PKN2: variants seen among roughly 807,000 people sequenced by gnomAD.
PKN2 encodes the protein protein kinase N2.
A neutral mutation model predicts 119.1 loss-of-function variants in PKN2; 38 were observed. The observed-to-expected ratio is 0.32, with a 90% confidence interval of 0.25 to 0.42. The LOEUF is 0.42. PKN2 is among the 10% of genes least tolerant of loss of function. PKN2 has a pLI of 1.00. For synonymous variants in PKN2, 390 were observed against 384.9 expected (o/e 1.01, Z -0.15); for missense variants, 850 against 1,165.1 (o/e 0.73, Z 3.94).
chr1:88,743,314 A>G (rs930105935), intron 2 of PKN2, among the ~76,000 whole-genome samples: 47 of 152,342 alleles, frequency 3.1e-4, no homozygotes, highest in Middle Eastern at 3.4e-3. Flanking sequence ...CAATCGATCT[A>G]GAACATTTTC....
intron 15 of PKN2, among the ~76,000 whole-genome samples, chr1:88,810,796 A>G (rs1314483325): frequency 6.7e-6 from 1 of 150,182 alleles, no homozygotes; most frequent in Non-Finnish European, 1.5e-5. Context: ...TAGTACAGAC[A>G]GGGTTTCACC....
chr1:88,793,534 A>G (rs1056265565), intron 8 of PKN2, among the ~76,000 whole-genome samples: 27 of 151,732 alleles, frequency 1.8e-4, no homozygotes, highest in African/African-American at 6.5e-4. Context: ...AACATCAGGT[A>G]CTCTCTGATA....
intron 15 of PKN2, among the ~76,000 whole-genome samples, chr1:88,808,584 G>A (rs2100883837): frequency 6.6e-6 from 1 of 152,264 alleles, no homozygotes; most frequent in Admixed American, 6.5e-5. Flanking sequence ...GATTACAGGT[G>A]TGAGCCACCG....
At chr1:88,701,658 G>A (rs1666772130) in intron 1 of PKN2, among the ~76,000 whole-genome samples, 1 of 152,174 alleles carries the variant, frequency 6.6e-6, no homozygotes, top group Admixed American at 6.5e-5. Flanking sequence ...GTATGGTGTG[G>A]TAATGTATAA....
rs1285051133 is a variant in PKN2, at chr1:88,703,443, A to G, written c.48+18815A>G. Among the ~76,000 whole-genome samples the G allele has an allele frequency of 2.6e-5, 4 of 152,124 alleles. No homozygotes were observed. In the East Asian group the frequency reaches 7.7e-4, roughly 29 times the overall value. ...ATATTGGCTTATTTTTGTTATTTAT[A>G]TATTTTTAAAGTGAGGCTTAGAGAG... On this transcript the variant is annotated intron_variant, in intron 1 of 21. Transcript: ENST00000370521.
At chr1:88,813,467 CTTATTT>C (rs2100895269) in intron 15 of PKN2, 84 bp from the exon 16 acceptor site, 6 of 933,588 alleles carry the variant, frequency 6.4e-6, no homozygotes, top group Non-Finnish European at 9.2e-6. Context: ...TAAAATTTTG[CTTATTT>C]TTAAGTTTAG....
chr1:88,771,945 T>A, intron 6 of PKN2, 66 bp downstream of exon 6: 1 of 1,069,160 alleles, frequency 9.4e-7, no homozygotes, highest in African/African-American at 1.6e-5. Context: ...GATTTAATAA[T>A]TGAAAGAAAA....
chr1:88,833,559 GT>G lies in PKN2; in HGVS notation c.*116del. The G allele has an allele frequency of 1.3e-6, 1 of 772,858 alleles. No individual in the cohort carries two copies. Among genetic ancestry groups the G allele is most frequent in the Non-Finnish European group, 2.1e-6 (1 of 470,194 alleles). 47.9% of individuals were successfully genotyped at this position (772,858 alleles called of 1,614,324 possible). ...AGCTTCTGAGTTTTTTGTTGTTGTT[GT>G]TTTTATTGAAACACGTGAAGATTTG... On this transcript the variant is annotated 3_prime_UTR_variant, in exon 22 of 22. Coordinates refer to ENST00000370521, the MANE Select transcript of PKN2 (RefSeq NM_006256.4).
chr1:88,740,945 A>G (rs1307577451), intron 1 of PKN2, 43 bp from the exon 2 acceptor site: 7 of 1,348,002 alleles, frequency 5.2e-6, no homozygotes, highest in African/African-American at 1.5e-5. Context: ...TGAGCAGCCA[A>G]CTCTCCTAAA....
At chr1:88,764,284 T>C (rs938912393) in intron 3 of PKN2, among the ~76,000 whole-genome samples, 1 of 152,174 alleles carries the variant, frequency 6.6e-6, no homozygotes, top group Non-Finnish European at 1.5e-5. Flanking sequence ...CAAGTACTTT[T>C]GTGGCTTTCT....
chr1:88,711,746 G>C (rs984013351), intron 1 of PKN2, among the ~76,000 whole-genome samples: 1 of 152,124 alleles, frequency 6.6e-6, no homozygotes, highest in Non-Finnish European at 1.5e-5. Flanking sequence ...TAAGTAGAGA[G>C]GTGAAATCTC....
chr1:88,745,689 A>G (rs189685496), intron 2 of PKN2, among the ~76,000 whole-genome samples: 38 of 152,292 alleles, frequency 2.5e-4, no homozygotes, highest in Non-Finnish European at 4.9e-4. Flanking sequence ...GATTCAAGGT[A>G]ATTCGTATCA....
At chr1:88,820,223 TATATATATATAAATAG>T (rs1672208290) in intron 16 of PKN2, among the ~76,000 whole-genome samples, 2 of 40,488 alleles carry the variant, frequency 4.9e-5, no homozygotes, top group African/African-American at 1.9e-4. Flanking sequence ...TATATATATA[TATATATATATAAATAG>T]AAAAAAATAA....
intron 1 of PKN2, among the ~76,000 whole-genome samples, chr1:88,737,252 A>T (rs981757605): frequency 1.4e-4 from 22 of 152,056 alleles, no homozygotes; most frequent in Admixed American, 5.2e-4. Context: ...CTGCAGACAG[A>T]CAGTAGTGAT....
At chr1:88,798,882 G>A (rs1208466559) in intron 8 of PKN2, among the ~76,000 whole-genome samples, 1 of 152,152 alleles carries the variant, frequency 6.6e-6, no homozygotes, top group East Asian at 1.9e-4. Context: ...AAAAAATGTG[G>A]GCTGGATTTA....
chr1:88,805,947 C>T lies in PKN2; in HGVS notation c.1733C>T (p.Pro578Leu), dbSNP rs762030874. Residue 578 changes from proline (P) to leucine (L), a missense_variant, in exon 12 of 22, where the codon CCA becomes CTA. Coordinates refer to ENST00000370521, the MANE Select transcript of PKN2 (RefSeq NM_006256.4). ...FDLEPEPPPA[P>L]PRASSLGEID... ...CTTGAGCCTGAACCTCCTCCAGCCC[C>T]ACCACGAGCTTCTTCTCTTGGAGAA... 2 of 1,613,686 alleles carry T rather than the reference C, an allele frequency of 1.2e-6. No homozygotes were observed. The highest frequency in any genetic ancestry group is 1.7e-6 in the Non-Finnish European group (2 of 1,179,594).
At chr1:88,775,361 T>C (rs1197027187) in intron 6 of PKN2, among the ~76,000 whole-genome samples, 2 of 152,234 alleles carry the variant, frequency 1.3e-5, no homozygotes, top group African/African-American at 2.4e-5. Context: ...CTTAACAGTA[T>C]GTAGCCTTTT....
At chr1:88,807,285 G>T in intron 12 of PKN2, 28 bp from the exon 13 acceptor site, 2 of 1,385,066 alleles carry the variant, frequency 1.4e-6, no homozygotes, top group South Asian at 1.5e-5. Context: ...GTATTTCTAT[G>T]GATTCACGTG....
intron 8 of PKN2, among the ~76,000 whole-genome samples, chr1:88,802,466 C>T (rs1350478574): frequency 6.6e-6 from 1 of 152,098 alleles, no homozygotes; most frequent in Non-Finnish European, 1.5e-5. Flanking sequence ...GCTGGGACCA[C>T]AGGTGCGTGC....
Sources: allele counts gnomAD v4.1 joint callset (sites outside exome capture counted in the v4.1 genomes callset), GRCh38; gene constraint gnomAD v4.1.1; transcripts MANE v1.5; gene names NCBI Gene and HGNC (gene_info 2026-07-23, HGNC 2026-07-21).